LRRC37A2: variants seen among roughly 807,000 people sequenced by gnomAD.
LRRC37A2 encodes leucine rich repeat containing 37 member A2, also known as leucine-rich repeat-containing protein 37A2.
Under a neutral mutation model 68.8 loss-of-function variants are expected in LRRC37A2, and 9 were observed. The observed-to-expected ratio is 0.13, with a 90% CI of 0.08 to 0.23. The LOEUF is 0.23. Ranked by LOEUF, LRRC37A2 falls within the 10% of genes least tolerant of loss-of-function variation. The probability of loss-of-function intolerance (pLI) is 1.00; values close to 1 mark genes in which losing one functional copy is unlikely to be tolerated. For synonymous variants in LRRC37A2, 63 were observed against 367.6 expected, an observed-to-expected ratio of 0.17 and a Z score of 9.48; for missense variants, 168 against 950.4, an observed-to-expected ratio of 0.18 and a Z score of 10.82.
the LRRC37A2 span, among the ~76,000 whole-genome samples, chr17:46,928,115 T>G: frequency 1.3e-5 from 2 of 152,016 alleles, no homozygotes; most frequent in Non-Finnish European, 2.9e-5. Context: ...AGACTTACTT[T>G]CCGGAAGCAA....
the LRRC37A2 span, chr17:46,930,702 A>G: frequency 2.3e-5 from 4 of 171,118 alleles, no homozygotes; most frequent in Non-Finnish European, 4.9e-5. Flanking sequence ...AGGGAATTCA[A>G]TTGGCAGCCT....
the LRRC37A2 span, among the ~76,000 whole-genome samples, chr17:46,775,424 C>G: frequency 1.3e-5 from 2 of 152,124 alleles, no homozygotes; most frequent in Non-Finnish European, 2.9e-5. Flanking sequence ...TGCTACCCAT[C>G]CACCTTGGTT....
At chr17:46,822,886 T>G in the LRRC37A2 span, among the ~76,000 whole-genome samples, 1 of 151,734 alleles carries the variant, frequency 6.6e-6, no homozygotes, top group Non-Finnish European at 1.5e-5. Flanking sequence ...CAGTTCTTCC[T>G]GGATCCCGAG....
chr17:46,676,233 C>CTTT, the LRRC37A2 span, among the ~76,000 whole-genome samples: 190 of 135,550 alleles, frequency 1.4e-3, 1 homozygote, highest in African/African-American at 5.2e-3. Context: ...AATTCTTCTT[C>CTTT]TTTTTTTTTT....
the LRRC37A2 span, among the ~76,000 whole-genome samples, chr17:46,772,580 A>G: frequency 6.6e-6 from 1 of 152,252 alleles, no homozygotes; most frequent in East Asian, 1.9e-4. Context: ...CAAATCTTTT[A>G]TGTCAACAAG....
the LRRC37A2 span, among the ~76,000 whole-genome samples, chr17:47,034,023 A>G: frequency 2.1e-4 from 32 of 152,286 alleles, no homozygotes; most frequent in African/African-American, 7.5e-4. Context: ...AATGGAAATG[A>G]TCATCTACTG....
chr17:46,932,183 G>A, the LRRC37A2 span: 10 of 1,613,918 alleles, frequency 6.2e-6, no homozygotes, highest in East Asian at 4.5e-5. Flanking sequence ...CTTCTGTCTC[G>A]AACCTTCACC....
the LRRC37A2 span, among the ~76,000 whole-genome samples, chr17:46,791,575 T>G: frequency 1.4e-4 from 21 of 152,160 alleles, no homozygotes; most frequent in African/African-American, 4.8e-4. Context: ...TCCCACTCCC[T>G]TCCTTCCCCT....
At chr17:46,810,735 T>C in the LRRC37A2 span, among the ~76,000 whole-genome samples, 1 of 151,848 alleles carries the variant, frequency 6.6e-6, no homozygotes, top group African/African-American at 2.4e-5. Flanking sequence ...CTGGGTGACC[T>C]GAACGCGGAA....
At chr17:46,929,749 C>G in the LRRC37A2 span, 1 of 618,864 alleles carries the variant, frequency 1.6e-6, no homozygotes, top group South Asian at 1.8e-5. Flanking sequence ...ACTGATTTCC[C>G]TGAGTGTGCC....
At chr17:46,929,074 A>T in the LRRC37A2 span, among the ~76,000 whole-genome samples, 3 of 152,092 alleles carry the variant, frequency 2.0e-5, no homozygotes, top group African/African-American at 7.2e-5. Context: ...AAGGACAAGG[A>T]TTATATCTCC....
the LRRC37A2 span, among the ~76,000 whole-genome samples, chr17:47,043,128 T>C: frequency 1.3e-5 from 2 of 150,500 alleles, no homozygotes; most frequent in East Asian, 3.9e-4. Flanking sequence ...GATTCTTGGG[T>C]CAACCTAAAG....
the LRRC37A2 span, among the ~76,000 whole-genome samples, chr17:46,801,606 C>A: frequency 7.5e-6 from 1 of 132,492 alleles, no homozygotes; most frequent in African/African-American, 2.9e-5. Flanking sequence ...GGCAACAGAG[C>A]GAGACTCTAT....
chr17:46,585,326 A>G, the LRRC37A2 span, among the ~76,000 whole-genome samples: 25 of 90,640 alleles, frequency 2.8e-4, no homozygotes, highest in Admixed American at 2.3e-3. Context: ...TCGAAAAAAA[A>G]AAAAAAAGAG....
the LRRC37A2 span, among the ~76,000 whole-genome samples, chr17:46,859,826 A>G: frequency 6.6e-6 from 1 of 152,192 alleles, no homozygotes; most frequent in Admixed American, 6.5e-5. Flanking sequence ...ATTTGCACAC[A>G]GGCCATATCT....
chr17:46,711,116 G>A, the LRRC37A2 span: 1 of 1,499,242 alleles, frequency 6.7e-7, no homozygotes, highest in South Asian at 1.4e-5. Context: ...CGTGCTTCTG[G>A]AAGGTGAGAA....
the LRRC37A2 span, among the ~76,000 whole-genome samples, chr17:46,880,351 T>C: frequency 6.6e-6 from 1 of 152,186 alleles, no homozygotes. Context: ...CAGGACACTT[T>C]AGAATAACAA....
At chr17:46,797,503 G>A in the LRRC37A2 span, among the ~76,000 whole-genome samples, 7 of 152,238 alleles carry the variant, frequency 4.6e-5, no homozygotes, top group African/African-American at 1.2e-4. Context: ...TGCCTCGGGC[G>A]GGAAGAAGGG....
chr17:46,841,758 A>C, the LRRC37A2 span, among the ~76,000 whole-genome samples: 4 of 152,208 alleles, frequency 2.6e-5, no homozygotes, highest in African/African-American at 9.7e-5. Context: ...CTGCAGTGTG[A>C]GGCAGGCGGA....
Sources: gnomAD v4.1 joint callset for allele counts (sites outside exome capture counted in the v4.1 genomes callset) on GRCh38, gnomAD v4.1.1 for gene constraint, MANE v1.5 for transcripts, NCBI Gene and HGNC (gene_info 2026-07-23, HGNC 2026-07-21) for gene names.